STPG2: variants seen among roughly 807,000 people sequenced by gnomAD.
STPG2 encodes sperm tail PG-rich repeat containing 2, also known as sperm-tail PG-rich repeat-containing protein 2.
STPG2 carries 56 observed loss-of-function variants against 54.2 expected under a neutral mutation model. That is an observed-to-expected ratio of 1.03 (90% CI 0.83 to 1.29). STPG2 has a LOEUF of 1.29. Ranked by LOEUF, STPG2 falls within the 50% of genes most tolerant of loss-of-function variation. The pLI, the probability that STPG2 is intolerant of heterozygous loss-of-function variation, is 0.00. For synonymous variants in STPG2, 200 were observed against 181.8 expected (o/e 1.10, Z -0.81); for missense variants, 596 against 544.9 (o/e 1.09, Z -0.93).
intron 10 of STPG2, among the ~76,000 whole-genome samples, chr4:97,705,175 T>C (rs1723900412): frequency 6.6e-6 from 1 of 152,122 alleles, no homozygotes; most frequent in Non-Finnish European, 1.5e-5. Context: ...GACAAGGATA[T>C]TCTATTCTCC....
intron 4 of STPG2, among the ~76,000 whole-genome samples, chr4:97,528,435 A>G (rs901202798): frequency 2.6e-5 from 4 of 152,186 alleles, no homozygotes; most frequent in African/African-American, 7.2e-5. Context: ...CAGTAGCATG[A>G]TGCCTCCAAT....
At chr4:97,813,697 A>AAAAAAAAAAAAAAAAAAAAAAAAAAAC in intron 9 of STPG2, among the ~76,000 whole-genome samples, 1 of 134,700 alleles carries the variant, frequency 7.4e-6, no homozygotes, top group Non-Finnish European at 1.6e-5. Flanking sequence ...AAAAAAAAAA[A>AAAAAAAAAAAAAAAAAAAAAAAAAAAC]AAAAAAAAAA....
chr4:97,477,398 T>A (rs1382820794), intron 4 of STPG2, among the ~76,000 whole-genome samples: 1 of 152,056 alleles, frequency 6.6e-6, no homozygotes, highest in Non-Finnish European at 1.5e-5. Context: ...TAGAAAAGTA[T>A]GCAAAGAAAA....
chr4:97,862,301 C>G (rs902490088), intron 8 of STPG2, among the ~76,000 whole-genome samples: 1 of 151,876 alleles, frequency 6.6e-6, no homozygotes, highest in African/African-American at 2.4e-5. Flanking sequence ...CAATCCTAGT[C>G]TATGATAAAA....
intron 5 of STPG2, among the ~76,000 whole-genome samples, chr4:98,066,800 A>G (rs1277337237): frequency 6.6e-6 from 1 of 152,200 alleles, no homozygotes; most frequent in Non-Finnish European, 1.5e-5. Context: ...TACTGTATGT[A>G]TTCAAATTGC....
intron 3 of STPG2, among the ~76,000 whole-genome samples, chr4:98,120,775 G>T (rs566516563): frequency 5.3e-5 from 8 of 152,090 alleles, no homozygotes; most frequent in African/African-American, 1.7e-4. Context: ...TTGTAAATTT[G>T]GTTAAGTTCC....
At chr4:98,032,553 C>T (rs13111367) in intron 5 of STPG2, among the ~76,000 whole-genome samples, 59,782 of 151,766 alleles carry the variant, frequency 0.39, 11,972 homozygotes, top group Middle Eastern at 0.46. Context: ...AAATTAACAA[C>T]AATATCCAGG....
chr4:97,821,966 C>A (rs1475610309), intron 9 of STPG2, among the ~76,000 whole-genome samples: 1 of 152,204 alleles, frequency 6.6e-6, no homozygotes, highest in Non-Finnish European at 1.5e-5. Context: ...CTCTTTTTAG[C>A]CATGCTAATA....
chr4:98,109,119 AGC>A, intron 4 of STPG2, 72 bp downstream of exon 4: 2 of 881,332 alleles, frequency 2.3e-6, no homozygotes, highest in Non-Finnish European at 3.3e-6. Flanking sequence ...TTTACAGCAT[AGC>A]CTAGTCTGAA....
chr4:97,856,643 T>G (rs908563918), intron 8 of STPG2, among the ~76,000 whole-genome samples: 1 of 152,098 alleles, frequency 6.6e-6, no homozygotes. Context: ...TATCTGAATA[T>G]GCTTTATTTC....
chr4:98,064,807 T>C (rs756156934), intron 5 of STPG2, among the ~76,000 whole-genome samples: 1 of 152,202 alleles, frequency 6.6e-6, no homozygotes, highest in Non-Finnish European at 1.5e-5. Flanking sequence ...GTGAGATTCA[T>C]GATTCAACAC....
intron 8 of STPG2, among the ~76,000 whole-genome samples, chr4:97,931,635 G>C (rs111738695): frequency 0.013 from 1,773 of 141,076 alleles, 29 homozygotes; most frequent in African/African-American, 0.041. Context: ...ATGTTGGCTT[G>C]AAGTTTTTTT....
At chr4:97,693,073 T>G (rs1723426642) in intron 10 of STPG2, among the ~76,000 whole-genome samples, 1 of 148,178 alleles carries the variant, frequency 6.7e-6, no homozygotes, top group Admixed American at 6.7e-5. Context: ...CAACTTAAAA[T>G]ACACCAAAAT....
At chr4:97,809,463 A>G (rs1727670828) in intron 9 of STPG2, among the ~76,000 whole-genome samples, 1 of 152,206 alleles carries the variant, frequency 6.6e-6, no homozygotes. Context: ...AAATATGTAG[A>G]TCAGCTGAAT....
chr4:98,023,186 T>G (rs1209699109), intron 5 of STPG2, among the ~76,000 whole-genome samples: 2 of 152,318 alleles, frequency 1.3e-5, no homozygotes, highest in East Asian at 3.9e-4. Flanking sequence ...GAAGTACAGA[T>G]GTGTTTTTGG....
chr4:98,075,833 T>G lies in STPG2; in HGVS notation c.612+30120A>C, dbSNP rs1738147490. On this transcript the variant is annotated intron_variant, in intron 5 of 10. Transcript: ENST00000295268. Reference sequence around the variant, plus strand: ...GGAGATTAAGAAAAGTACTCTATCCTGCATAATATCACATAAAGTTATATT... The same window carrying G: ...GGAGATTAAGAAAAGTACTCTATCCGGCATAATATCACATAAAGTTATATT... 2.0e-5 allele frequency among the ~76,000 whole-genome samples: 3 copies of G among 152,250 alleles called. No individual in the cohort carries two copies. The South Asian group carries it at 6.2e-4, about 31-fold the overall frequency.
chr4:97,869,869 G>A (rs1404489625), intron 8 of STPG2, among the ~76,000 whole-genome samples: 10 of 151,394 alleles, frequency 6.6e-5, no homozygotes, highest in Admixed American at 6.0e-4. Flanking sequence ...CAAGTTGTAG[G>A]TCATCTTCTC....
intron 8 of STPG2, among the ~76,000 whole-genome samples, chr4:97,858,575 CA>C (rs1729403835): frequency 6.6e-6 from 1 of 152,078 alleles, no homozygotes; most frequent in African/African-American, 2.4e-5. Flanking sequence ...CTCCAAGTCC[CA>C]AGAGTCCATT....
chr4:97,749,639 G>C (rs1725523957), intron 9 of STPG2, among the ~76,000 whole-genome samples: 1 of 151,730 alleles, frequency 6.6e-6, no homozygotes, highest in African/African-American at 2.4e-5. Context: ...TGCCAAATTA[G>C]AACACTTGTC....
Sources: allele counts gnomAD v4.1 joint callset (sites outside exome capture counted in the v4.1 genomes callset), GRCh38; gene constraint gnomAD v4.1.1; transcripts MANE v1.5; gene names NCBI Gene and HGNC (gene_info 2026-07-23, HGNC 2026-07-21).